MICAL2: variants seen among roughly 807,000 people sequenced by gnomAD.
The protein encoded by MICAL2 is [F-actin]-monooxygenase MICAL2.
A neutral mutation model predicts 127.3 loss-of-function variants in MICAL2; 77 were observed. The observed-to-expected ratio is 0.60, with a 90% confidence interval of 0.50 to 0.73. MICAL2 has a LOEUF of 0.73. Ranked by LOEUF, MICAL2 falls within the 30% of genes least tolerant of loss-of-function variation. The pLI is 0.00. For synonymous variants in MICAL2, 570 were observed against 551.1 expected (o/e 1.03, Z -0.48); for missense variants, 1,351 against 1,434.4 (o/e 0.94, Z 0.94).
chr11:12,123,431 G>A (rs1012197923), intron 1 of MICAL2, among the ~76,000 whole-genome samples: 3 of 152,112 alleles, frequency 2.0e-5, no homozygotes, highest in Admixed American at 6.5e-5. Flanking sequence ...CACCCATTAT[G>A]TCAGTTCTGG....
intron 3 of MICAL2, among the ~76,000 whole-genome samples, chr11:12,181,381 T>C (rs1288885191): frequency 6.6e-6 from 1 of 152,268 alleles, no homozygotes; most frequent in Non-Finnish European, 1.5e-5. Flanking sequence ...GTCCTGGTAC[T>C]ATGAATCTGA....
intron 5 of MICAL2, among the ~76,000 whole-genome samples, chr11:12,209,005 G>T (rs12805612): frequency 0.17 from 24,075 of 144,622 alleles, 2,117 homozygotes; most frequent in Non-Finnish European, 0.19. Flanking sequence ...ATCTTAATTA[G>T]CCAGGCTTCA....
At chr11:12,147,604 T>C (rs894556948) in intron 2 of MICAL2, among the ~76,000 whole-genome samples, 3 of 152,202 alleles carry the variant, frequency 2.0e-5, no homozygotes, top group Non-Finnish European at 4.4e-5. Flanking sequence ...ACAAAACACA[T>C]GATAGGTTCA....
At chr11:12,228,288 C>A (rs1377134962) in intron 15 of MICAL2, among the ~76,000 whole-genome samples, 1 of 152,040 alleles carries the variant, frequency 6.6e-6, no homozygotes, top group Non-Finnish European at 1.5e-5. Flanking sequence ...CGAGATTGCA[C>A]CATTGCACTC....
intron 3 of MICAL2, among the ~76,000 whole-genome samples, chr11:12,203,439 T>C (rs1384062785): frequency 6.6e-6 from 1 of 152,226 alleles, no homozygotes; most frequent in African/African-American, 2.4e-5. Context: ...TTCTCTTTTT[T>C]ATCACAGCCG....
chr11:12,260,888 C>T (rs1863026456), intron 26 of MICAL2: 2 of 985,364 alleles, frequency 2.0e-6, no homozygotes, highest in African/African-American at 1.7e-5. Flanking sequence ...GGGGTTTCAA[C>T]AGATTCTACA....
chr11:12,322,286 C>A (rs1483647259), intron 30 of MICAL2, among the ~76,000 whole-genome samples: 1 of 152,092 alleles, frequency 6.6e-6, no homozygotes, highest in Non-Finnish European at 1.5e-5. Context: ...TGACAGTTAC[C>A]ATTGATCCCC....
chr11:12,344,472 CTATTATTAT>C lies in MICAL2; in HGVS notation c.5516-5331_5516-5323del, dbSNP rs1555024327. 8.1e-3 allele frequency among the ~76,000 whole-genome samples: 1,143 copies of C among 141,474 alleles called. 18 individuals are homozygous for C. Among genetic ancestry groups the C allele is most frequent in the Admixed American group, 0.014 (193 of 14,140 alleles). The allele number at this position is 141,474 out of a possible 152,430, so 92.8% of individuals were successfully genotyped here. A position where few individuals can be genotyped will look rare whatever the true frequency, so the allele number is the denominator to read the frequency against. On this transcript the variant is annotated intron_variant, in intron 32 of 34. Coordinates refer to the MICAL2 transcript ENST00000646065. ...ATGATCCTTGTCAAAATTCTAGAAA[CTATTATTAT>C]TATTATTATTATTATTATTATTATT...
chr11:12,150,923 T>C (rs1262598979), intron 2 of MICAL2, among the ~76,000 whole-genome samples: 1 of 152,132 alleles, frequency 6.6e-6, no homozygotes, highest in African/African-American at 2.4e-5. Context: ...GTAGGAGTTA[T>C]CCCCACGCAG....
At chr11:12,313,961 ATTT>A (rs60681621) in intron 29 of MICAL2, among the ~76,000 whole-genome samples, 349 of 43,786 alleles carry the variant, frequency 8.0e-3, no homozygotes, top group African/African-American at 0.029. Context: ...TCTTGGTCTG[ATTT>A]TTTTTTTTTT....
chr11:12,215,067 A>G (rs1467650313), intron 7 of MICAL2, among the ~76,000 whole-genome samples: 1 of 152,212 alleles, frequency 6.6e-6, no homozygotes, highest in African/African-American at 2.4e-5. Flanking sequence ...TCCTGCCAGC[A>G]TATGGTGTCC....
chr11:12,327,288 G>A (rs1245474978), intron 32 of MICAL2: 19 of 1,540,080 alleles, frequency 1.2e-5, no homozygotes, highest in Non-Finnish European at 1.6e-5. Flanking sequence ...CAGCAGATCC[G>A]GAGCAGTGGG....
intron 32 of MICAL2, among the ~76,000 whole-genome samples, chr11:12,342,548 C>G (rs1000611600): frequency 2.6e-5 from 4 of 152,146 alleles, no homozygotes; most frequent in African/African-American, 9.7e-5. Context: ...AACTATAGAA[C>G]TAGACGTTGG....
chr11:12,155,462 A>G (rs1854073385), intron 2 of MICAL2, among the ~76,000 whole-genome samples: 1 of 152,204 alleles, frequency 6.6e-6, no homozygotes, highest in African/African-American at 2.4e-5. Flanking sequence ...ACATATACAC[A>G]TACATGTACA....
intron 1 of MICAL2, among the ~76,000 whole-genome samples, chr11:12,111,636 GC>G (rs1405552828): frequency 3.5e-4 from 53 of 152,236 alleles, no homozygotes; most frequent in Non-Finnish European, 6.8e-4. Context: ...TTATTTGGAA[GC>G]CTGTAGGGCC....
At position 12,224,792 on chromosome 11, in the gene MICAL2, A is replaced by G. The variant is rs1857221284; in HGVS notation, c.1660A>G (p.Ile554Val). 2 of 1,613,818 alleles carry G rather than the reference A, an allele frequency of 1.2e-6. No individual in the cohort carries two copies. Among genetic ancestry groups the G allele is most frequent in the Non-Finnish European group, 1.7e-6 (2 of 1,179,694 alleles). The change falls in exon 13 of 28, where the codon ATC (isoleucine) becomes GTC (valine). Residue 554 changes from isoleucine (I) to valine (V), a missense_variant. Ile to Val is a conservative substitution (Grantham distance 29, BLOSUM62 3). Coordinates refer to ENST00000683283, the MANE Select transcript of MICAL2 (RefSeq NM_001282663.2). ...SWRSGLALCA[I>V]IHRFRPELIN... The stretch of plus-strand genomic sequence containing the variant: ...GCGCAGTGGGTTGGCCCTGTGTGCC[A>G]TCATCCACCGCTTCCGGCCTGAGCT...
upstream of MICAL2, among the ~76,000 whole-genome samples, chr11:12,275,293 A>G (rs1863713390): frequency 6.6e-6 from 1 of 152,224 alleles, no homozygotes; most frequent in Admixed American, 6.5e-5. Flanking sequence ...GCAGTGGTCT[A>G]TATAAGTCTA....
chr11:12,212,409 G>A lies in MICAL2; in HGVS notation c.692-846G>A, dbSNP rs57579052. The stretch of plus-strand genomic sequence containing the variant: ...GAGGATCGCTTGACCCTGGGAGGTC[G>A]AGGCTGCAGTGAGCCATGATTGGCA... On this transcript the variant is annotated intron_variant, in intron 6 of 27. Transcript: ENST00000683283. Among the ~76,000 whole-genome samples, 21 of 152,222 alleles carry A rather than the reference G, an allele frequency of 1.4e-4. No homozygotes were observed. In the East Asian group the frequency reaches 3.9e-3, roughly 28 times the overall value.
At chr11:12,292,621 G>C (rs1190215225), downstream of MICAL2, among the ~76,000 whole-genome samples, 1 of 152,206 alleles carries the variant, frequency 6.6e-6, no homozygotes, top group East Asian at 1.9e-4. Flanking sequence ...AAAGGGCATT[G>C]AGGAATTTGC....
Sources: gnomAD v4.1 joint callset for allele counts (sites outside exome capture counted in the v4.1 genomes callset) on GRCh38, gnomAD v4.1.1 for gene constraint, MANE v1.5 for transcripts, NCBI Gene and HGNC (gene_info 2026-07-23, HGNC 2026-07-21) for gene names.